Variants in DOCK3 observed in about 807,000 individuals in gnomAD.
DOCK3 encodes the protein dedicator of cytokinesis 3.
Under a neutral mutation model 265.6 loss-of-function variants are expected in DOCK3, and 60 were observed. The observed-to-expected ratio is 0.23, with a 90% CI of 0.18 to 0.28. The LOEUF (loss-of-function observed/expected upper bound fraction) is 0.28. Ranked by LOEUF, DOCK3 falls within the 10% of genes least tolerant of loss-of-function variation. The probability of loss-of-function intolerance (pLI) is 1.00; values close to 1 mark genes in which losing one functional copy is unlikely to be tolerated. For missense variants in DOCK3, 1,981 were observed against 2,594.3 expected, an observed-to-expected ratio of 0.76 and a Z score of 5.14; for synonymous variants, 881 against 938.0, an observed-to-expected ratio of 0.94 and a Z score of 1.11.
chr3:51,028,523 GCTTA>G (rs1213640372), intron 5 of DOCK3, among the ~76,000 whole-genome samples: 1 of 151,978 alleles, frequency 6.6e-6, no homozygotes, highest in Non-Finnish European at 1.5e-5. Context: ...TTTCTAAATT[GCTTA>G]CTTTCTGTTT....
intron 9 of DOCK3, among the ~76,000 whole-genome samples, chr3:51,119,292 C>T (rs778925263): frequency 4.6e-5 from 7 of 152,134 alleles, no homozygotes; most frequent in Middle Eastern, 3.4e-3. Context: ...GAATATTGGC[C>T]CCCACTCTCT....
intron 1 of DOCK3, among the ~76,000 whole-genome samples, chr3:50,704,019 A>G (rs889127941): frequency 2.0e-5 from 3 of 151,842 alleles, no homozygotes; most frequent in Non-Finnish European, 2.9e-5. Context: ...TTTTCTTCCT[A>G]ATTTCTTTAT....
chr3:50,792,863 C>T (rs1379712670), intron 2 of DOCK3, among the ~76,000 whole-genome samples: 2 of 152,144 alleles, frequency 1.3e-5, no homozygotes, highest in African/African-American at 4.8e-5. Context: ...CACTGATGTT[C>T]ATTGAGGATA....
chr3:50,888,934 T>C (rs1474651662), intron 3 of DOCK3, among the ~76,000 whole-genome samples: 1 of 152,024 alleles, frequency 6.6e-6, no homozygotes, highest in Non-Finnish European at 1.5e-5. Flanking sequence ...GGATTTTACG[T>C]TACTATATGC....
Position 51,064,599 on chromosome 3 carries a change from A to G in DOCK3, c.464+3A>G. ...GTGCGCCTGGACTGGGGTAATGAGT[A>G]AGTATGAAAATTGTTTGGGTATCTC... On this transcript the variant is annotated splice_donor_region_variant and intron_variant, in intron 6 of 52. Transcript: ENST00000266037. 1 of 1,612,960 alleles carries G rather than the reference A, an allele frequency of 6.2e-7. No homozygotes were observed. The highest frequency in any genetic ancestry group is 8.5e-7 in the Non-Finnish European group (1 of 1,179,204).
intron 9 of DOCK3, among the ~76,000 whole-genome samples, chr3:51,142,198 T>G (rs755774237): frequency 6.6e-6 from 1 of 152,178 alleles, no homozygotes; most frequent in African/African-American, 2.4e-5. Flanking sequence ...CCATTAGATA[T>G]AAATTTTCTT....
chr3:51,338,222 T>G, intron 35 of DOCK3, 137 bp from the exon 36 acceptor site: 1 of 868,684 alleles, frequency 1.2e-6, no homozygotes, highest in East Asian at 2.7e-5. Flanking sequence ...AGAGTCCTTA[T>G]CTATGGAAGC....
chr3:51,010,612 C>A (rs753438708), intron 5 of DOCK3, among the ~76,000 whole-genome samples: 3 of 152,038 alleles, frequency 2.0e-5, no homozygotes, highest in Non-Finnish European at 2.9e-5. Context: ...GCATTTAGCC[C>A]GTTTACATTT....
In DOCK3 at chr3:51,360,630, C is replaced by T. The variant is rs374060080; in HGVS notation, c.5004C>T (p.His1668=). The T allele has an allele frequency of 1.2e-6, 2 of 1,613,714 alleles. No individual in the cohort carries two copies. The highest frequency in any genetic ancestry group is 1.7e-6 in the Non-Finnish European group (2 of 1,179,852). The change falls in exon 47 of 53, where the codon CAC becomes CAT. Residue 1668 remains histidine (H), a splice_region_variant and synonymous_variant. Coordinates refer to ENST00000266037, the MANE Select transcript of DOCK3 (RefSeq NM_004947.5). The part of the protein sequence containing the change: ...SPESIKMTHR[H]SPMNLMGTGR... ...AGAGCATCAAGATGACCCACCGGCA[C>T]AGGTATGGCCTTAGGGCTGGGGAGG...
At chr3:50,714,938 C>T (rs2037005554) in intron 1 of DOCK3, among the ~76,000 whole-genome samples, 1 of 152,218 alleles carries the variant, frequency 6.6e-6, no homozygotes, top group East Asian at 1.9e-4. Flanking sequence ...GGAGGCCTTC[C>T]TTGACCCCTA....
At chr3:50,742,809 A>G (rs989209311) in intron 1 of DOCK3, among the ~76,000 whole-genome samples, 1 of 152,210 alleles carries the variant, frequency 6.6e-6, no homozygotes, top group Admixed American at 6.5e-5. Context: ...CAATCTAGCA[A>G]GGCAGGCCAA....
intron 1 of DOCK3, among the ~76,000 whole-genome samples, chr3:50,690,613 A>G (rs1210484447): frequency 2.7e-5 from 4 of 150,908 alleles, no homozygotes; most frequent in African/African-American, 7.3e-5. Context: ...ACATTCATTC[A>G]TTCGTTCGTT....
intron 34 of DOCK3, 37 bp from the exon 35 acceptor site, chr3:51,333,121 T>A: frequency 1.2e-6 from 2 of 1,613,730 alleles, no homozygotes; most frequent in Non-Finnish European, 1.7e-6. Context: ...AGAAGGCTCA[T>A]GAATTGTGTT....
chr3:51,161,170 C>T (rs1486982076), intron 12 of DOCK3, among the ~76,000 whole-genome samples: 1 of 151,394 alleles, frequency 6.6e-6, no homozygotes, highest in Non-Finnish European at 1.5e-5. Flanking sequence ...ATTGGCCGGG[C>T]ACGGTGGCTC....
At chr3:51,220,765 A>G (rs536566607) in intron 14 of DOCK3, among the ~76,000 whole-genome samples, 1 of 148,888 alleles carries the variant, frequency 6.7e-6, no homozygotes, top group East Asian at 2.0e-4. Context: ...CCTAATATGA[A>G]GTGTGAGTAA....
intron 3 of DOCK3, among the ~76,000 whole-genome samples, chr3:50,858,428 A>T (rs1014056229): frequency 8.3e-6 from 1 of 121,126 alleles, no homozygotes; most frequent in African/African-American, 2.7e-5. Flanking sequence ...AAAATATAAT[A>T]ATAATAATAA....
rs149886212 is a variant in DOCK3 at position 51,234,881 on chromosome 3, C to T, written c.1918-1464C>T. Among the ~76,000 whole-genome samples, 90 of 152,274 alleles carry T rather than the reference C, an allele frequency of 5.9e-4. 1 individual carries two copies. In the East Asian group the frequency reaches 0.016, roughly 27 times the overall value. ...CAGGCACTTCCTGGTGGTGAAAGCC[C>T]ATCAGGTGAATCCTACACAGTGGAC... is the stretch of plus-strand genomic sequence containing the variant. On this transcript the variant is annotated intron_variant, in intron 19 of 52. Coordinates refer to ENST00000266037, the MANE Select transcript of DOCK3 (RefSeq NM_004947.5).
At chr3:51,307,609 T>A (rs1285768644) in intron 27 of DOCK3, among the ~76,000 whole-genome samples, 1 of 152,150 alleles carries the variant, frequency 6.6e-6, no homozygotes, top group African/African-American at 2.4e-5. Context: ...ACTTTTCAGT[T>A]CAGCCATAGC....
intron 1 of DOCK3, among the ~76,000 whole-genome samples, chr3:50,765,739 C>G (rs1392303898): frequency 6.6e-6 from 1 of 152,172 alleles, no homozygotes; most frequent in African/African-American, 2.4e-5. Flanking sequence ...TCCATCACCT[C>G]AAGCACTTGT....
Sources: allele counts gnomAD v4.1 joint callset (sites outside exome capture counted in the v4.1 genomes callset), GRCh38; gene constraint gnomAD v4.1.1; transcripts MANE v1.5; gene names NCBI Gene and HGNC (gene_info 2026-07-23, HGNC 2026-07-21).